Variants in PHC1 observed in about 807,000 individuals in gnomAD.
PHC1 encodes polyhomeotic-like protein 1.
In PHC1, 12 loss-of-function variants were observed where a neutral mutation model predicts 104.3. The ratio of observed to expected loss-of-function variants is 0.12; its 90% CI spans 0.07 to 0.19. PHC1 has a LOEUF of 0.19. Ranked by LOEUF, PHC1 falls within the 10% of genes least tolerant of loss-of-function variation. PHC1 has a pLI of 1.00. For synonymous variants in PHC1, 302 were observed against 455.8 expected (o/e 0.66, Z 4.30); for missense variants, 671 against 1,200.0 (o/e 0.56, Z 6.51).
chr12:8,919,037 A>G lies in PHC1; in HGVS notation c.115-719A>G, dbSNP rs879033578. On this transcript the variant is annotated intron_variant, in intron 2 of 14. Coordinates refer to ENST00000544916, the MANE Select transcript of PHC1 (RefSeq NM_004426.3). This position sits in a 1 kb window ranked among gnomAD's most constrained non-coding sequence, Gnocchi z 4.9. ...TGTTTCTTCCGGTTTTTAAAGGACT[A>G]TATAGACTTACTGAGGCAGAAGGAT... is the stretch of plus-strand genomic sequence containing the variant. Among the ~76,000 whole-genome samples the G allele has an allele frequency of 3.3e-5, 5 of 152,110 alleles. No individual in the cohort carries two copies. Among genetic ancestry groups the G allele is most frequent in the African/African-American group, 7.2e-5 (3 of 41,424 alleles).
chr12:8,921,846 C>A, intron 5 of PHC1, 96 bp downstream of exon 5: 1 of 1,205,816 alleles, frequency 8.3e-7, no homozygotes, highest in Non-Finnish European at 1.2e-6. Flanking sequence ...CAGAATCTCG[C>A]TATGTCACCC....
Position 8,934,414 on chromosome 12 carries a change from A to C in PHC1, c.2189A>C (p.Lys730Thr), listed in dbSNP as rs1384100223. Residue 730 changes from lysine to threonine, a missense_variant, in exon 10 of 15, where the codon AAG (lysine) becomes ACG (threonine). Around this residue, in one of 9 missense-constraint regions of PHC1, gnomAD observed 29 missense variants for 78.0 expected, o/e 0.37. Coordinates refer to ENST00000544916, the MANE Select transcript of PHC1 (RefSeq NM_004426.3). ...TCAAAACCCCCACAGGCCATCGTGA[A>C]GCCCCAGATTCTCACCCACATCATT... ...GDSKPPQAIV[K>T]PQILTHIIEG... is the part of the protein sequence containing the mutation. 1 of 1,613,892 alleles carries C rather than the reference A, an allele frequency of 6.2e-7. No individual in the cohort carries two copies. The highest frequency in any genetic ancestry group is 1.3e-5 in the African/African-American group (1 of 74,922).
At chr12:8,916,110 G>A (rs1220121809) in intron 1 of PHC1, 1 of 154,392 alleles carries the variant, frequency 6.5e-6, no homozygotes, top group African/African-American at 2.4e-5. Flanking sequence ...GGCAAAAGAT[G>A]TGGGGAGAAG....
chr12:8,919,668 T>G lies in PHC1; in HGVS notation c.115-88T>G. Reference sequence around the variant, plus strand: ...TCTCCTCTGGTTTCTGTCCTTCCCATGGCCCCCTTTCACACAAATACAGTG... The same window carrying G: ...TCTCCTCTGGTTTCTGTCCTTCCCAGGGCCCCCTTTCACACAAATACAGTG... On this transcript the variant is annotated intron_variant, in intron 2 of 14. Transcript: ENST00000544916. This position sits in a 1 kb window ranked among gnomAD's most constrained non-coding sequence, Gnocchi z 4.9. 1.5e-6 allele frequency: 2 copies of G among 1,310,608 alleles called. No homozygotes were observed. The highest frequency in any genetic ancestry group is 1.4e-5 in the South Asian group (1 of 73,818). 81.2% of individuals were successfully genotyped at this position (1,310,608 alleles called of 1,614,324 possible). A position where few individuals can be genotyped will look rare whatever the true frequency, so the allele number is the denominator to read the frequency against.
At chr12:8,922,571 A>T in intron 5 of PHC1, 62 bp from the exon 6 acceptor site, 1 of 1,422,454 alleles carries the variant, frequency 7.0e-7, no homozygotes, top group East Asian at 2.5e-5. Flanking sequence ...CTTCCTTTCC[A>T]TCTCTTCTGT....
chr12:8,939,215 T>C, intron 14 of PHC1, 90 bp from the exon 15 acceptor site: 1 of 1,474,890 alleles, frequency 6.8e-7, no homozygotes, highest in South Asian at 1.2e-5. Flanking sequence ...ACAGGTACTT[T>C]GGAATTAATC....
At chr12:8,914,290 A>G (rs1945130738), upstream of PHC1, among the ~76,000 whole-genome samples, 1 of 151,954 alleles carries the variant, frequency 6.6e-6, no homozygotes, top group South Asian at 2.1e-4. Context: ...CTCGGAGAGA[A>G]AGAAGGGGGT....
intron 4 of PHC1, among the ~76,000 whole-genome samples, chr12:8,921,273 A>G (rs1413219964): frequency 6.6e-6 from 1 of 152,214 alleles, no homozygotes; most frequent in African/African-American, 2.4e-5. Context: ...AAGAGAGGAA[A>G]GAAAATCCTG....
At chr12:8,926,185 G>A (rs1945505912) in intron 6 of PHC1, among the ~76,000 whole-genome samples, 1 of 152,188 alleles carries the variant, frequency 6.6e-6, no homozygotes, top group Non-Finnish European at 1.5e-5. Context: ...GAGATACTGA[G>A]ACTGCAGTTT....
Position 8,939,482 on chromosome 12 carries a change from G to C in PHC1, c.*23G>C. On this transcript the variant is annotated 3_prime_UTR_variant, in exon 15 of 15. Coordinates refer to ENST00000544916, the MANE Select transcript of PHC1 (RefSeq NM_004426.3). ...TAAGGTGGCCCTCTTGCACAAACCA[G>C]CCTAAGGCAGACACTCTCCACTGTC... 2 of 1,354,526 alleles carry C rather than the reference G, an allele frequency of 1.5e-6. No homozygotes were observed. The highest frequency in any genetic ancestry group is 2.0e-6 in the Non-Finnish European group (2 of 982,174). The allele number at this position is 1,354,526 out of a possible 1,614,324, so 83.9% of individuals were successfully genotyped here.
chr12:8,921,144 C>A, intron 4 of PHC1, 79 bp downstream of exon 4: 1 of 1,082,000 alleles, frequency 9.2e-7, no homozygotes, highest in Non-Finnish European at 1.4e-6. Flanking sequence ...TGCCGCTGAT[C>A]TGAGAGTGTT....
intron 11 of PHC1, among the ~76,000 whole-genome samples, chr12:8,935,637 A>G (rs747674398): frequency 1.3e-5 from 2 of 152,202 alleles, no homozygotes; most frequent in African/African-American, 2.4e-5. Context: ...AAAAAAAAGT[A>G]GGAATAAAAT....
chr12:8,921,083 C>A lies in PHC1; in HGVS notation c.306+18C>A. ...AGGCCTCGGTGAGTACGCCCTCTCCCACTGAGAGGCTTCTCTACCTGGGTC... is the reference window on the plus strand; with the variant it reads ...AGGCCTCGGTGAGTACGCCCTCTCCAACTGAGAGGCTTCTCTACCTGGGTC... On this transcript the variant is annotated intron_variant, in intron 4 of 14. Transcript: ENST00000544916. 1.3e-6 allele frequency: 2 copies of A among 1,561,512 alleles called. No homozygotes were observed. The highest frequency in any genetic ancestry group is 1.1e-5 in the South Asian group (1 of 87,086).
At chr12:8,918,578 C>A (rs755123881) in intron 2 of PHC1, among the ~76,000 whole-genome samples, 5 of 152,182 alleles carry the variant, frequency 3.3e-5, no homozygotes, top group African/African-American at 1.2e-4. Flanking sequence ...CCCAGTTCTC[C>A]TATCTTATCC....
chr12:8,929,315 C>T (rs1331492160), intron 6 of PHC1, among the ~76,000 whole-genome samples: 1 of 152,096 alleles, frequency 6.6e-6, no homozygotes, highest in Non-Finnish European at 1.5e-5. Context: ...GATAAACTTG[C>T]TGTTCCCAAA....
intron 6 of PHC1, among the ~76,000 whole-genome samples, chr12:8,923,686 C>T (rs1277180700): frequency 1.3e-5 from 2 of 152,004 alleles, no homozygotes; most frequent in East Asian, 1.9e-4. Flanking sequence ...AAAAATTAGC[C>T]AGGCGTGGTG....
rs751574180 is a variant in PHC1, at chr12:8,930,901, C to T, written c.1079C>T (p.Ala360Val). 19 of 1,602,300 alleles carry T rather than the reference C, an allele frequency of 1.2e-5. No homozygotes were observed. The highest frequency in any genetic ancestry group is 3.4e-5 in the Admixed American group (2 of 59,302). The change falls in exon 7 of 15, where the codon GCG becomes GTG. Residue 360 changes from alanine (A) to valine (V), a missense_variant. Coordinates refer to ENST00000544916, the MANE Select transcript of PHC1 (RefSeq NM_004426.3). ...GMNLTRTATPAPSQTLISSAT... is the reference protein window; with the variant it reads ...GMNLTRTATPVPSQTLISSAT... ...AACCTGACACGGACAGCCACACCTGCGCCCAGCCAGACACTTATTAGCTCA... is the reference window on the plus strand; with the variant it reads ...AACCTGACACGGACAGCCACACCTGTGCCCAGCCAGACACTTATTAGCTCA...
intron 1 of PHC1, chr12:8,916,102 C>G (rs1052832568): frequency 2.6e-5 from 4 of 154,152 alleles, no homozygotes; most frequent in Non-Finnish European, 5.9e-5. Flanking sequence ...GATATTTTGG[C>G]AAAAGATGTG....
chr12:8,934,621 G>A, intron 10 of PHC1, 143 bp downstream of exon 10: 14 of 601,808 alleles, frequency 2.3e-5, no homozygotes, highest in South Asian at 5.3e-5. Context: ...TTATAAAGAA[G>A]GAAAGGGAAA....
Sources: gnomAD v4.1 joint callset for allele counts (sites outside exome capture counted in the v4.1 genomes callset) on GRCh38, gnomAD v4.1.1 for gene constraint, gnomAD v4.1.1 regional missense constraint, Gnocchi (gnomAD v3.1) non-coding constraint, MANE v1.5 for transcripts, NCBI Gene and HGNC (gene_info 2026-07-23, HGNC 2026-07-21) for gene names.